Variants in COMMD7 observed in about 807,000 individuals in gnomAD.
The protein encoded by COMMD7 is COMM domain-containing protein 7.
COMMD7 carries 28 observed loss-of-function variants against 34.8 expected under a neutral mutation model. The observed-to-expected ratio is 0.80, with a 90% CI of 0.60 to 1.10. COMMD7 has a LOEUF of 1.10. Ranked by LOEUF, COMMD7 falls within the 50% of genes least tolerant of loss-of-function variation. COMMD7 has a pLI of 0.00. For synonymous variants in COMMD7, 80 were observed against 86.4 expected, an observed-to-expected ratio of 0.93 and a Z score of 0.41; for missense variants, 211 against 241.6, an observed-to-expected ratio of 0.87 and a Z score of 0.84.
intron 3 of COMMD7, among the ~76,000 whole-genome samples, chr20:32,709,948 G>A (rs1568774483): frequency 6.6e-6 from 1 of 150,476 alleles, no homozygotes; most frequent in Non-Finnish European, 1.5e-5. Flanking sequence ...GTGTAATCAC[G>A]GCTCATTACA....
At chr20:32,717,800 C>A (rs1984888992) in intron 3 of COMMD7, among the ~76,000 whole-genome samples, 2 of 151,372 alleles carry the variant, frequency 1.3e-5, no homozygotes, top group South Asian at 4.2e-4. Flanking sequence ...CTAAATAGTA[C>A]AAGAAAAACA....
rs1210300362 is a variant in COMMD7, at chr20:32,743,392, G to A, written c.-1C>T. On this transcript the variant is annotated 5_prime_UTR_variant, in exon 1 of 9. Coordinates refer to ENST00000278980, the MANE Select transcript of COMMD7 (RefSeq NM_053041.3). Reference sequence around the variant, plus strand: ...CCTCAGTGCAGTGCAGGCGGCCCATGGCGCGCGCCCCAGCCCCGCAGGTTC... The same window carrying A: ...CCTCAGTGCAGTGCAGGCGGCCCATAGCGCGCGCCCCAGCCCCGCAGGTTC... 1.4e-6 allele frequency: 2 copies of A among 1,388,166 alleles called. No individual in the cohort carries two copies. Among genetic ancestry groups the A allele is most frequent in the Non-Finnish European group, 9.3e-7 (1 of 1,076,934 alleles). The allele number at this position is 1,388,166 out of a possible 1,614,324, so 86.0% of individuals were successfully genotyped here. A position where few individuals can be genotyped will look rare whatever the true frequency, so the allele number is the denominator to read the frequency against.
intron 1 of COMMD7, among the ~76,000 whole-genome samples, chr20:32,730,597 G>A (rs6058838): frequency 0.26 from 39,588 of 151,812 alleles, 5,339 homozygotes; most frequent in Middle Eastern, 0.32. Context: ...AGCCCACTGT[G>A]TATGGCATAG....
At chr20:32,712,437 G>A (rs572486225) in intron 3 of COMMD7, among the ~76,000 whole-genome samples, 20 of 151,704 alleles carry the variant, frequency 1.3e-4, no homozygotes, top group African/African-American at 4.6e-4. Context: ...GAACCCAGGA[G>A]GCAGAGGTTG....
chr20:32,707,726 C>A (rs1423864644), intron 3 of COMMD7, among the ~76,000 whole-genome samples: 2 of 151,684 alleles, frequency 1.3e-5, no homozygotes, highest in Non-Finnish European at 2.9e-5. Flanking sequence ...GATGGAGCAA[C>A]TGGTCTGAGG....
chr20:32,712,657 C>T (rs1260952750), intron 3 of COMMD7, among the ~76,000 whole-genome samples: 2 of 146,582 alleles, frequency 1.4e-5, no homozygotes, highest in African/African-American at 5.0e-5. Flanking sequence ...CAGCTGCAGT[C>T]AGCAGAACAT....
In COMMD7 at chr20:32,703,251, C is replaced by T. The variant is rs1199465692; in HGVS notation, c.*131G>A. On this transcript the variant is annotated 3_prime_UTR_variant, in exon 9 of 9. Transcript: ENST00000278980. Reference sequence around the variant, plus strand: ...GCTGTTTTTCAGAAACCCTTTGCACCTGGGCCCCATGGAGCCAGCAGGGCC... The same window carrying T: ...GCTGTTTTTCAGAAACCCTTTGCACTTGGGCCCCATGGAGCCAGCAGGGCC... 4.0e-6 allele frequency: 3 copies of T among 742,940 alleles called. No homozygotes were observed. Among genetic ancestry groups the T allele is most frequent in the African/African-American group, 1.8e-5 (1 of 56,590 alleles). 46.0% of individuals were successfully genotyped at this position (742,940 alleles called of 1,614,324 possible).
intron 3 of COMMD7, among the ~76,000 whole-genome samples, chr20:32,721,959 GCT>G (rs1184466329): frequency 4.6e-5 from 7 of 151,734 alleles, no homozygotes; most frequent in African/African-American, 1.2e-4. Flanking sequence ...TATTTGGGAG[GCT>G]GAGGCAGGAG....
chr20:32,730,692 G>A (rs368618898), intron 1 of COMMD7, among the ~76,000 whole-genome samples: 20 of 152,130 alleles, frequency 1.3e-4, no homozygotes, highest in African/African-American at 3.9e-4. Flanking sequence ...TGGTCAAGCC[G>A]TTTAGCATCT....
At chr20:32,704,981 T>A (rs1807522132) in intron 5 of COMMD7, 77 bp from the exon 6 acceptor site, 1 of 1,024,000 alleles carries the variant, frequency 9.8e-7, no homozygotes, top group Non-Finnish European at 1.5e-6. Flanking sequence ...AACATTGCAA[T>A]ATTTAGCATT....
At chr20:32,739,157 C>T (rs113933174) in intron 1 of COMMD7, among the ~76,000 whole-genome samples, 31 of 152,152 alleles carry the variant, frequency 2.0e-4, no homozygotes, top group Middle Eastern at 3.4e-3. Flanking sequence ...TCAGTTTCTT[C>T]GTCTGTAAAA....
chr20:32,730,295 A>G (rs1985764165), intron 1 of COMMD7, among the ~76,000 whole-genome samples: 1 of 151,910 alleles, frequency 6.6e-6, no homozygotes, highest in South Asian at 2.1e-4. Context: ...TGGCTCACGC[A>G]TGTAATCCCA....
chr20:32,710,060 T>C (rs894184934), intron 3 of COMMD7, among the ~76,000 whole-genome samples: 3 of 151,774 alleles, frequency 2.0e-5, no homozygotes, highest in African/African-American at 7.3e-5. Flanking sequence ...TAATTTTTTT[T>C]TCTAGAGATA....
intron 3 of COMMD7, among the ~76,000 whole-genome samples, chr20:32,716,066 C>A (rs1342609251): frequency 2.0e-5 from 3 of 152,090 alleles, no homozygotes; most frequent in South Asian, 2.1e-4. Context: ...GCTGTTAAAT[C>A]CCTGGTGAGT....
At chr20:32,741,838 CCA>C (rs1410188798) in intron 1 of COMMD7, among the ~76,000 whole-genome samples, 5 of 152,134 alleles carry the variant, frequency 3.3e-5, no homozygotes, top group Non-Finnish European at 7.3e-5. Context: ...ATGCGCTATA[CCA>C]TATATCCTAG....
rs1340139574 is a variant in COMMD7 at position 32,743,448 on chromosome 20, C to T, written c.-57G>A. 6.6e-6 allele frequency: 8 copies of T among 1,207,548 alleles called. No individual in the cohort carries two copies. Among genetic ancestry groups the T allele is most frequent in the African/African-American group, 1.6e-5 (1 of 62,406 alleles). The allele number at this position is 1,207,548 out of a possible 1,614,324, so 74.8% of individuals were successfully genotyped here. On this transcript the variant is annotated 5_prime_UTR_variant, in exon 1 of 9. Transcript: ENST00000278980. ...CCGCCGCCGCCCTGCTCAGCTTCCT[C>T]CTCCGCTGCCGCTGCCACCGCTGCC...
intron 1 of COMMD7, among the ~76,000 whole-genome samples, chr20:32,733,521 C>T (rs1391345186): frequency 6.6e-6 from 1 of 151,706 alleles, no homozygotes; most frequent in Non-Finnish European, 1.5e-5. Context: ...GAGTTTGAGA[C>T]CAGCCTAGCT....
At chr20:32,727,793 G>T (rs958628055) in intron 3 of COMMD7, 100 bp downstream of exon 3, 2 of 964,654 alleles carry the variant, frequency 2.1e-6, no homozygotes, top group Non-Finnish European at 3.3e-6. Context: ...ATTACCAAAC[G>T]CTCTGGCTTG....
chr20:32,720,573 G>T (rs1409544435), intron 3 of COMMD7, among the ~76,000 whole-genome samples: 2 of 152,032 alleles, frequency 1.3e-5, no homozygotes, highest in Non-Finnish European at 2.9e-5. Flanking sequence ...ATTTTGGGAG[G>T]CCAAGGCAGA....
Sources: gnomAD v4.1 joint callset for allele counts (sites outside exome capture counted in the v4.1 genomes callset) on GRCh38, gnomAD v4.1.1 for gene constraint, MANE v1.5 for transcripts, NCBI Gene and HGNC (gene_info 2026-07-23, HGNC 2026-07-21) for gene names.